The following SUN3 variants were observed in gnomAD, a reference collection of about 807,000 sequenced individuals.
SUN3 encodes the protein Sad1 and UNC84 domain containing 3.
A neutral mutation model predicts 48.2 loss-of-function variants in SUN3; 36 were observed. That is an observed-to-expected ratio of 0.75 (90% CI 0.57 to 0.99). The LOEUF is 0.99. Among genes scored for constraint, SUN3 ranks in the 50% least tolerant of loss-of-function variants. The probability of loss-of-function intolerance (pLI) is 0.00; values close to 1 mark genes in which losing one functional copy is unlikely to be tolerated. For synonymous variants in SUN3, 148 were observed against 147.9 expected (o/e 1.00, Z 0.00); for missense variants, 419 against 433.1 (o/e 0.97, Z 0.29).
intron 6 of SUN3, among the ~76,000 whole-genome samples, chr7:47,999,159 TTTTA>T (rs1229005536): frequency 4.6e-5 from 7 of 152,222 alleles, no homozygotes; most frequent in African/African-American, 1.4e-4. Flanking sequence ...TTTAAATCTT[TTTTA>T]TTTATTTCAT....
At chr7:48,032,309 T>C (rs1387721301), upstream of SUN3, among the ~76,000 whole-genome samples, 3 of 152,358 alleles carry the variant, frequency 2.0e-5, no homozygotes, top group East Asian at 5.8e-4. Flanking sequence ...AGTGAGATGA[T>C]GAATATGTCA....
At chr7:48,003,816 T>C (rs550783817) in intron 6 of SUN3, among the ~76,000 whole-genome samples, 3 of 152,204 alleles carry the variant, frequency 2.0e-5, no homozygotes, top group African/African-American at 4.8e-5. Context: ...GCTGAGACTA[T>C]GGGGTTTTCT....
the SUN3 span, among the ~76,000 whole-genome samples, chr7:48,034,759 A>T: frequency 6.6e-6 from 1 of 152,008 alleles, no homozygotes; most frequent in Non-Finnish European, 1.5e-5. Context: ...GTAGATCTCA[A>T]AATCCAGGCA....
At chr7:47,992,111 C>T (rs1188491979) in intron 8 of SUN3, among the ~76,000 whole-genome samples, 1 of 152,118 alleles carries the variant, frequency 6.6e-6, no homozygotes, top group Non-Finnish European at 1.5e-5. Flanking sequence ...ACTTGTGACT[C>T]CCGACGAAAT....
At chr7:47,998,017 T>G (rs1389905696) in intron 6 of SUN3, among the ~76,000 whole-genome samples, 1 of 152,248 alleles carries the variant, frequency 6.6e-6, no homozygotes. Context: ...TTGGTGATGA[T>G]GAATACAGTT....
the SUN3 span, chr7:48,035,631 G>C: frequency 1.5e-6 from 1 of 683,628 alleles, no homozygotes; most frequent in Non-Finnish European, 2.7e-6. This position sits in a 1 kb window ranked among gnomAD's most constrained non-coding sequence, Gnocchi z 4.0. Flanking sequence ...CGGGGAGCTG[G>C]TGAGCCTGAG....
intron 2 of SUN3, among the ~76,000 whole-genome samples, chr7:48,025,454 C>T (rs963135271): frequency 5.3e-5 from 8 of 152,080 alleles, no homozygotes; most frequent in Non-Finnish European, 1.0e-4. Context: ...TTTCCCGATA[C>T]GAAACTACAA....
chr7:48,030,589 G>A (rs1790242287), upstream of SUN3, among the ~76,000 whole-genome samples: 1 of 152,148 alleles, frequency 6.6e-6, no homozygotes, highest in South Asian at 2.1e-4. Context: ...AAGTTGTTTT[G>A]ATTGTTTGAG....
Position 48,001,522 on chromosome 7 carries a change from G to GTTTTTTTTTTTTT in SUN3, c.577+4446_577+4447insAAAAAAAAAAAAA, listed in dbSNP as rs1286421253. Among the ~76,000 whole-genome samples, 9 of 121,922 alleles carry GTTTTTTTTTTTTT rather than the reference G, an allele frequency of 7.4e-5. 2 individuals are homozygous for GTTTTTTTTTTTTT. Among genetic ancestry groups the GTTTTTTTTTTTTT allele is most frequent in the African/African-American group, 1.6e-4 (5 of 31,580 alleles). 80.0% of individuals were successfully genotyped at this position (121,922 alleles called of 152,430 possible). On this transcript the variant is annotated intron_variant, in intron 6 of 9. Transcript: ENST00000297325. ...TTTAGGTTGGTTCCATGTCTTTTCT[G>GTTTTTTTTTTTTT]TTTTTTTTGTTTTTTTTTTTTTTTT...
At chr7:48,019,976 T>G (rs1583778216) in intron 2 of SUN3, among the ~76,000 whole-genome samples, 1 of 20,110 alleles carries the variant, frequency 5.0e-5, no homozygotes, top group African/African-American at 2.3e-4. Context: ...CAAAGACACA[T>G]CAAAAAAAAA....
At chr7:48,031,469 C>T (rs1790255926), upstream of SUN3, among the ~76,000 whole-genome samples, 1 of 152,162 alleles carries the variant, frequency 6.6e-6, no homozygotes, top group Admixed American at 6.5e-5. Context: ...AGTTTGAGAC[C>T]AGCCTGGGCA....
chr7:47,989,991 A>G (rs1045219608), intron 8 of SUN3, among the ~76,000 whole-genome samples: 13 of 152,252 alleles, frequency 8.5e-5, no homozygotes, highest in Non-Finnish European at 1.9e-4. Flanking sequence ...ACCTCTGTCT[A>G]GGAAAGCCAG....
chr7:48,005,852 C>CG lies in SUN3; in HGVS notation c.577+116_577+117insC, dbSNP rs1024356893. On this transcript the variant is annotated intron_variant, in intron 6 of 9. Coordinates refer to ENST00000297325, the MANE Select transcript of SUN3 (RefSeq NM_001030019.2). ...TTTATTATCTAAATTGATTAATTTC[C>CG]CCCCCCCAAGTTACCAGATAAATAT... The CG allele has an allele frequency of 2.1e-5, 10 of 487,672 alleles. 1 individual carries two copies. Among genetic ancestry groups the CG allele is most frequent in the Non-Finnish European group, 3.7e-5 (10 of 273,594 alleles). The allele number at this position is 487,672 out of a possible 1,614,324, so 30.2% of individuals were successfully genotyped here.
chr7:48,022,439 A>C (rs1436122544), intron 2 of SUN3, among the ~76,000 whole-genome samples: 1 of 152,182 alleles, frequency 6.6e-6, no homozygotes, highest in Non-Finnish European at 1.5e-5. Flanking sequence ...TTTGCAACAC[A>C]AAGGATAAAT....
intron 4 of SUN3, 105 bp downstream of exon 4, chr7:48,008,930 G>C: frequency 4.9e-6 from 5 of 1,025,192 alleles, no homozygotes; most frequent in Non-Finnish European, 7.2e-6. Context: ...GAAATTTTGA[G>C]TTATTTCAGG....
intron 8 of SUN3, among the ~76,000 whole-genome samples, chr7:47,990,485 G>T (rs1204615078): frequency 1.3e-5 from 2 of 151,990 alleles, no homozygotes; most frequent in Non-Finnish European, 2.9e-5. Context: ...CTCAGAGACT[G>T]GTGCCGGCGC....
chr7:48,020,045 T>A (rs1789948802), intron 2 of SUN3, among the ~76,000 whole-genome samples: 1 of 147,808 alleles, frequency 6.8e-6, no homozygotes, highest in Admixed American at 6.7e-5. Context: ...TGAATATTGA[T>A]GCAAAAGCCC....
At chr7:48,029,930 A>G (rs1790233207), upstream of SUN3, among the ~76,000 whole-genome samples, 1 of 151,982 alleles carries the variant, frequency 6.6e-6, no homozygotes, top group Admixed American at 6.6e-5. Context: ...CTGTTTATCC[A>G]TATTTTCCAG....
intron 1 of SUN3, among the ~76,000 whole-genome samples, chr7:48,026,919 G>C (rs754779524): frequency 2.0e-5 from 3 of 152,168 alleles, no homozygotes; most frequent in Non-Finnish European, 4.4e-5. Flanking sequence ...CAGCCACCCA[G>C]TCTGTGGTAT....
Sources: allele counts gnomAD v4.1 joint callset (sites outside exome capture counted in the v4.1 genomes callset), GRCh38; gene constraint gnomAD v4.1.1; non-coding constraint Gnocchi (gnomAD v3.1); transcripts MANE v1.5; gene names NCBI Gene and HGNC (gene_info 2026-07-23, HGNC 2026-07-21).